TET1: variants seen among roughly 807,000 people sequenced by gnomAD.
TET1 encodes the protein tet methylcytosine dioxygenase 1.
TET1 carries 13 observed loss-of-function variants against 148.7 expected under a neutral mutation model. The observed-to-expected ratio is 0.09, with a 90% CI of 0.06 to 0.14. The LOEUF is 0.14. Ranked by LOEUF, TET1 falls within the 10% of genes least tolerant of loss-of-function variation. The pLI, the probability that TET1 is intolerant of heterozygous loss-of-function variation, is 1.00. For synonymous variants in TET1, 907 were observed against 937.2 expected, an observed-to-expected ratio of 0.97 and a Z score of 0.59; for missense variants, 2,182 against 2,553.8, an observed-to-expected ratio of 0.85 and a Z score of 3.14.
At chr10:68,638,765 T>G (rs866432150) in intron 3 of TET1, among the ~76,000 whole-genome samples, 1 of 140,824 alleles carries the variant, frequency 7.1e-6, no homozygotes, top group Non-Finnish European at 1.5e-5. Flanking sequence ...TGTATGGAGT[T>G]TGTGTGTGTG....
chr10:68,595,095 G>A (rs2132851835), intron 2 of TET1, among the ~76,000 whole-genome samples: 1 of 151,750 alleles, frequency 6.6e-6, no homozygotes, highest in South Asian at 2.1e-4. Context: ...CGAGGTTGCA[G>A]TGGGCTATGA....
intron 11 of TET1, among the ~76,000 whole-genome samples, chr10:68,688,170 C>T (rs1469162184): frequency 6.6e-6 from 1 of 152,064 alleles, no homozygotes. Context: ...CATCTTGGCT[C>T]ACTGTAACCC....
intron 7 of TET1, among the ~76,000 whole-genome samples, chr10:68,669,474 C>CTTTTTTTTTTTTTTTTTTTTTTT (rs3085667): frequency 1.3e-4 from 8 of 61,616 alleles, no homozygotes; most frequent in African/African-American, 1.9e-4. Flanking sequence ...CCATGCCCAG[C>CTTTTTTTTTTTTTTTTTTTTTTT]TTTTTTTTTT....
At chr10:68,608,777 C>T (rs1285779251) in intron 3 of TET1, among the ~76,000 whole-genome samples, 1 of 152,144 alleles carries the variant, frequency 6.6e-6, no homozygotes, top group African/African-American at 2.4e-5. Flanking sequence ...CTCAGGTGAT[C>T]CGCCTACCTC....
At chr10:68,577,745 T>C (rs1040483174) in intron 2 of TET1, among the ~76,000 whole-genome samples, 2 of 152,012 alleles carry the variant, frequency 1.3e-5, no homozygotes, top group Non-Finnish European at 2.9e-5. Context: ...GAGGGGGGCG[T>C]TGCAGTGAGC....
At chr10:68,639,112 A>T (rs79934214) in intron 3 of TET1, among the ~76,000 whole-genome samples, 1,632 of 152,248 alleles carry the variant, frequency 0.011, 17 homozygotes, top group Middle Eastern at 0.051. Context: ...CTCATTAATT[A>T]ATGTGAATGT....
chr10:68,680,956 A>C (rs746201573), intron 8 of TET1, among the ~76,000 whole-genome samples: 6 of 152,170 alleles, frequency 3.9e-5, no homozygotes, highest in Non-Finnish European at 5.9e-5. Context: ...TTGAAACAGG[A>C]TCTCACACAG....
intron 3 of TET1, among the ~76,000 whole-genome samples, chr10:68,622,374 C>T (rs1408245436): frequency 1.3e-5 from 2 of 151,922 alleles, no homozygotes; most frequent in South Asian, 2.1e-4. Context: ...TAACAATTCT[C>T]CTGCCTCAGC....
chr10:68,645,691 C>A lies in TET1; in HGVS notation c.2962C>A (p.Gln988Lys). Residue 988 changes from glutamine to lysine, a missense_variant, in exon 4 of 12, where the codon CAA becomes AAA. This residue lies in a region of TET1 where 582 missense variants were observed against 599.5 expected (regional missense o/e 0.97). Coordinates refer to ENST00000373644, the MANE Select transcript of TET1 (RefSeq NM_030625.3). Reference protein sequence around the residue: ...SNSHINSATNQASTKSHEYSK... With the variant: ...SNSHINSATNKASTKSHEYSK... ...CTCACATATCAACTCAGCTACTAAC[C>A]AAGCATCCACAAAGTCACATGAATA... 6.2e-7 allele frequency: 1 copy of A among 1,614,146 alleles called. No individual in the cohort carries two copies. The highest frequency in any genetic ancestry group is 8.5e-7 in the Non-Finnish European group (1 of 1,180,018).
chr10:68,580,697 G>A (rs1420411768), intron 2 of TET1, among the ~76,000 whole-genome samples: 2 of 149,924 alleles, frequency 1.3e-5, no homozygotes, highest in Non-Finnish European at 3.0e-5. Context: ...CAGGAGAATG[G>A]CGTGAACCCA....
chr10:68,615,244 A>G (rs2054272901), intron 3 of TET1, among the ~76,000 whole-genome samples: 1 of 151,840 alleles, frequency 6.6e-6, no homozygotes, highest in African/African-American at 2.4e-5. Flanking sequence ...CATAGTACAC[A>G]GTATTCCCTT....
intron 6 of TET1, among the ~76,000 whole-genome samples, chr10:68,657,730 A>T (rs574434138): frequency 2.6e-5 from 4 of 152,164 alleles, no homozygotes; most frequent in Non-Finnish European, 5.9e-5. Flanking sequence ...GGCATGAGAA[A>T]CTGAGGATTA....
chr10:68,694,312 T>C lies in TET1; in HGVS notation c.*2498T>C, dbSNP rs781347434. 1 of 232,756 alleles carries C rather than the reference T, an allele frequency of 4.3e-6. No homozygotes were observed. Among genetic ancestry groups the C allele is most frequent in the African/African-American group, 2.2e-5 (1 of 45,452 alleles). The allele number at this position is 232,756 out of a possible 1,614,324, so 14.4% of individuals were successfully genotyped here. On this transcript the variant is annotated 3_prime_UTR_variant, in exon 12 of 12. Coordinates refer to ENST00000373644, the MANE Select transcript of TET1 (RefSeq NM_030625.3). ...AAATTGGATTCCTACTTTGTTGGAC[T>C]CTCTTTCCTGATTTTAACAATTTAC...
intron 3 of TET1, among the ~76,000 whole-genome samples, chr10:68,615,283 C>A (rs1222223987): frequency 6.6e-6 from 1 of 151,636 alleles, no homozygotes; most frequent in East Asian, 1.9e-4. Flanking sequence ...TCTTTTTTTT[C>A]CTCTCTCTCT....
chr10:68,600,552 T>C (rs1294962483), intron 2 of TET1, among the ~76,000 whole-genome samples: 1 of 152,118 alleles, frequency 6.6e-6, no homozygotes, highest in South Asian at 2.1e-4. Flanking sequence ...GCTGCACTCT[T>C]TGTGGGGCTG....
intron 1 of TET1, among the ~76,000 whole-genome samples, chr10:68,569,113 T>C (rs1018667839): frequency 4.0e-5 from 6 of 151,878 alleles, no homozygotes; most frequent in African/African-American, 1.5e-4. Context: ...AATCTGTGGA[T>C]TGTTAATTGG....
At chr10:68,595,609 C>CTTTTTTTTTTTTTTT (rs1564958558) in intron 2 of TET1, among the ~76,000 whole-genome samples, 12 of 89,354 alleles carry the variant, frequency 1.3e-4, no homozygotes, top group South Asian at 4.4e-4. Flanking sequence ...ACACACACAG[C>CTTTTTTTTTTTTTTT]TTCTTTTTTT....
At chr10:68,590,958 C>T (rs1284405153) in intron 2 of TET1, among the ~76,000 whole-genome samples, 2 of 151,980 alleles carry the variant, frequency 1.3e-5, no homozygotes, top group South Asian at 2.1e-4. Context: ...CAGGTTCAAG[C>T]GATTCTCCTG....
chr10:68,678,013 G>A (rs556336995), intron 8 of TET1, among the ~76,000 whole-genome samples: 4 of 150,172 alleles, frequency 2.7e-5, no homozygotes, highest in East Asian at 2.0e-4. Flanking sequence ...CACCCACCTC[G>A]GCCTTCCAAA....
Sources: allele counts gnomAD v4.1 joint callset (sites outside exome capture counted in the v4.1 genomes callset), GRCh38; gene constraint gnomAD v4.1.1; regional missense constraint gnomAD v4.1.1; transcripts MANE v1.5; gene names NCBI Gene and HGNC (gene_info 2026-07-23, HGNC 2026-07-21).